Variants in PVT1 observed in about 807,000 individuals in gnomAD.
PVT1 encodes Pvt1 oncogene, also known as CXCR4/PVT1 fusion.
At position 127,984,854 on chromosome 8, in the gene PVT1, T is replaced by C. The variant is rs564230223; in HGVS notation, n.783-4308T>C. ...TTCTTTTCTTTTCTTTCTTTCTTTC[T>C]TTCTTTCTTTCTTTCTTTCTTTCTT... On this transcript the variant is annotated intron_variant and non_coding_transcript_variant, in intron 3 of 10. Coordinates refer to ENST00000651587, the Ensembl canonical transcript of PVT1. Among the ~76,000 whole-genome samples the C allele has an allele frequency of 7.6e-3, 255 of 33,342 alleles. 4 individuals carry two copies. The highest frequency in any genetic ancestry group is 0.02 in the African/African-American group (239 of 12,148). The allele number at this position is 33,342 out of a possible 152,430, so 21.9% of individuals were successfully genotyped here.
At chr8:127,864,405 TG>T (rs1041979062) in intron 2 of PVT1, among the ~76,000 whole-genome samples, 2 of 152,140 alleles carry the variant, frequency 1.3e-5, no homozygotes, top group African/African-American at 4.8e-5. Context: ...TCAGGGTTTG[TG>T]GGCAAGATTC....
chr8:127,993,508 G>A (rs923920668), intron 4 of PVT1, among the ~76,000 whole-genome samples: 2 of 152,198 alleles, frequency 1.3e-5, no homozygotes, highest in African/African-American at 4.8e-5. Context: ...TCTCTCCGGG[G>A]GGATTTATTC....
chr8:128,067,965 T>TTC (rs1813930745), intron 4 of PVT1, among the ~76,000 whole-genome samples: 1 of 143,936 alleles, frequency 6.9e-6, no homozygotes, highest in Admixed American at 7.1e-5. Flanking sequence ...TTTTTTTTTT[T>TTC]TGGTTATCTT....
intron 3 of PVT1, chr8:127,939,395 C>G (rs928558188): frequency 6.6e-6 from 1 of 152,432 alleles, no homozygotes; most frequent in African/African-American, 2.4e-5. Context: ...CGTTAGGCAG[C>G]ACGGGAGCCA....
chr8:127,975,782 G>C (rs951959860), intron 3 of PVT1, among the ~76,000 whole-genome samples: 1 of 152,108 alleles, frequency 6.6e-6, no homozygotes, highest in African/African-American at 2.4e-5. Context: ...ACTATTTTTC[G>C]GTTTCCTAGC....
chr8:127,910,269 C>T (rs1330895596), intron 3 of PVT1, among the ~76,000 whole-genome samples: 2 of 152,086 alleles, frequency 1.3e-5, no homozygotes, highest in East Asian at 1.9e-4. Flanking sequence ...GCGAAAGGTA[C>T]AGGGTCGTGG....
intron 3 of PVT1, among the ~76,000 whole-genome samples, chr8:127,949,879 C>T (rs962696789): frequency 2.6e-5 from 4 of 152,232 alleles, no homozygotes; most frequent in South Asian, 2.1e-4. Context: ...GGCCAGGCAT[C>T]GGCCCAAGCC....
intron 4 of PVT1, among the ~76,000 whole-genome samples, chr8:128,005,198 G>A (rs962411981): frequency 2.0e-5 from 3 of 152,028 alleles, no homozygotes; most frequent in Non-Finnish European, 4.4e-5. Flanking sequence ...AGTTTGACTG[G>A]GAAACCTCAC....
intron 6 of PVT1, chr8:128,099,242 C>A (rs1299269620): frequency 6.6e-6 from 1 of 152,286 alleles, no homozygotes; most frequent in Non-Finnish European, 1.5e-5. Flanking sequence ...TCTCCTGGGT[C>A]TTCCGAGGAA....
chr8:128,034,780 C>T (rs182738881), intron 4 of PVT1, among the ~76,000 whole-genome samples: 110 of 152,238 alleles, frequency 7.2e-4, no homozygotes, highest in African/African-American at 2.3e-3. Flanking sequence ...AAATGTGTGC[C>T]GAAGCTGAAA....
chr8:127,906,655 C>T (rs1188993458), intron 3 of PVT1, among the ~76,000 whole-genome samples: 6 of 152,008 alleles, frequency 3.9e-5, no homozygotes, highest in South Asian at 2.1e-4. Context: ...ATTGCCTTCC[C>T]GATGCTTCTG....
chr8:128,076,617 G>A (rs1024209706), intron 5 of PVT1, among the ~76,000 whole-genome samples: 4 of 152,146 alleles, frequency 2.6e-5, no homozygotes, highest in South Asian at 4.1e-4. Flanking sequence ...GTTCTTAGGC[G>A]AGTCGCTTAC....
intron 2 of PVT1, among the ~76,000 whole-genome samples, chr8:127,868,767 T>C (rs1361114891): frequency 2.6e-3 from 1 of 378 alleles, no homozygotes; most frequent in Non-Finnish European, 0.013. Context: ...TCCTTCCTTT[T>C]AACATATATA....
At chr8:128,028,944 G>A (rs951395944) in intron 4 of PVT1, among the ~76,000 whole-genome samples, 3 of 152,134 alleles carry the variant, frequency 2.0e-5, no homozygotes, top group Admixed American at 1.3e-4. Context: ...CTGGGCTCAA[G>A]CAATCCTCCC....
intron 3 of PVT1, among the ~76,000 whole-genome samples, chr8:127,924,483 A>G (rs922656798): frequency 1.4e-5 from 2 of 139,964 alleles, no homozygotes; most frequent in Non-Finnish European, 3.0e-5. Flanking sequence ...ACAGGCACAC[A>G]CCACCATGTC....
chr8:127,864,489 CTTCT>C (rs1230008110), intron 2 of PVT1, among the ~76,000 whole-genome samples: 1 of 152,148 alleles, frequency 6.6e-6, no homozygotes, highest in Non-Finnish European at 1.5e-5. Flanking sequence ...CCCCTCGCTC[CTTCT>C]CTTATTCTTT....
intron 2 of PVT1, among the ~76,000 whole-genome samples, chr8:127,805,848 C>T (rs1025796270): frequency 5.3e-5 from 8 of 152,032 alleles, no homozygotes; most frequent in African/African-American, 1.9e-4. Flanking sequence ...GGGGTTCATA[C>T]TGAAATACTG....
intron 6 of PVT1, chr8:128,096,769 T>A (rs1814434413): frequency 6.6e-6 from 1 of 152,300 alleles, no homozygotes; most frequent in South Asian, 2.1e-4. Context: ...TATTAGAGGA[T>A]GTATGGTGGG....
At chr8:127,891,603 G>C (rs190420224) in intron 3 of PVT1, among the ~76,000 whole-genome samples, 2 of 152,350 alleles carry the variant, frequency 1.3e-5, no homozygotes, top group African/African-American at 4.8e-5. Flanking sequence ...TGGAATTGAA[G>C]ATCGCCAAGT....
Sources: allele counts gnomAD v4.1 joint callset (sites outside exome capture counted in the v4.1 genomes callset), GRCh38; gene constraint gnomAD v4.1.1; transcripts MANE v1.5; gene names NCBI Gene and HGNC (gene_info 2026-07-23, HGNC 2026-07-21).